KCNQ5: variants seen among roughly 807,000 people sequenced by gnomAD.
KCNQ5 encodes the protein potassium voltage-gated channel subfamily KQT member 5.
KCNQ5 carries 30 observed loss-of-function variants against 98.2 expected under a neutral mutation model. The observed-to-expected ratio is 0.31, with a 90% CI of 0.23 to 0.41. The LOEUF (loss-of-function observed/expected upper bound fraction) is 0.41. KCNQ5 is among the 10% of genes least tolerant of loss of function. KCNQ5 has a pLI of 1.00. For missense variants in KCNQ5, 835 were observed against 1,182.5 expected (o/e 0.71, Z 4.31); for synonymous variants, 458 against 449.4 (o/e 1.02, Z -0.24).
chr6:72,673,198 C>T (rs1177880621), intron 1 of KCNQ5, among the ~76,000 whole-genome samples: 3 of 152,124 alleles, frequency 2.0e-5, no homozygotes, highest in Non-Finnish European at 4.4e-5. Flanking sequence ...AGGGCTCCCA[C>T]CCCTTCAGCT....
chr6:73,051,705 C>CAAAAAAAA (rs201199934), intron 3 of KCNQ5, among the ~76,000 whole-genome samples: 7 of 97,172 alleles, frequency 7.2e-5, no homozygotes, highest in African/African-American at 2.5e-4. Context: ...AAGATAGAGG[C>CAAAAAAAA]AAAAAAAAAA....
At chr6:72,855,126 A>G (rs1777470394) in intron 1 of KCNQ5, among the ~76,000 whole-genome samples, 1 of 152,178 alleles carries the variant, frequency 6.6e-6, no homozygotes, top group South Asian at 2.1e-4. Context: ...CCTCACCAGT[A>G]TTAAACATTC....
In KCNQ5 at chr6:72,802,503, C is replaced by G. The variant is rs565763596; in HGVS notation, c.398+179916C>G. Among the ~76,000 whole-genome samples, 8 of 152,174 alleles carry G rather than the reference C, an allele frequency of 5.3e-5. No homozygotes were observed. In the South Asian group the frequency reaches 1.7e-3, roughly 32 times the overall value. The stretch of plus-strand genomic sequence containing the variant: ...TACTTAATCTGCAGATAAAGTTAAC[C>G]ATTGACTCAGCTTTGTCCCTCATGT... On this transcript the variant is annotated intron_variant, in intron 1 of 13. Coordinates refer to ENST00000370398, the MANE Select transcript of KCNQ5 (RefSeq NM_019842.4).
intron 7 of KCNQ5, among the ~76,000 whole-genome samples, chr6:73,119,810 T>C (rs1316855166): frequency 6.6e-6 from 1 of 152,228 alleles, no homozygotes; most frequent in African/African-American, 2.4e-5. Context: ...ACCTAACTAC[T>C]ATCTTGGATA....
intron 1 of KCNQ5, among the ~76,000 whole-genome samples, chr6:72,765,785 A>G (rs954409153): frequency 1.3e-5 from 2 of 152,108 alleles, no homozygotes. Context: ...ATTTGTATGT[A>G]TATAAAACAT....
chr6:73,057,692 G>C (rs1431685629), intron 3 of KCNQ5, among the ~76,000 whole-genome samples: 1 of 151,970 alleles, frequency 6.6e-6, no homozygotes, highest in African/African-American at 2.4e-5. Flanking sequence ...GCAATTTACA[G>C]ATTCAGTGCT....
chr6:73,111,074 T>C (rs1479859934), intron 6 of KCNQ5, among the ~76,000 whole-genome samples: 1 of 152,212 alleles, frequency 6.6e-6, no homozygotes, highest in African/African-American at 2.4e-5. Flanking sequence ...CAATGCCTAA[T>C]TGACTTACTA....
chr6:73,074,960 T>A (rs1773465879), intron 3 of KCNQ5, among the ~76,000 whole-genome samples: 1 of 152,206 alleles, frequency 6.6e-6, no homozygotes, highest in African/African-American at 2.4e-5. Context: ...GCAAAATGTA[T>A]GTCCAACAGG....
intron 6 of KCNQ5, among the ~76,000 whole-genome samples, chr6:73,105,718 T>G (rs1470984227): frequency 1.3e-5 from 2 of 152,222 alleles, no homozygotes; most frequent in Non-Finnish European, 1.5e-5. Context: ...TGGTTTATAA[T>G]GTGTGCTACT....
chr6:72,671,473 C>T (rs1210535665), intron 1 of KCNQ5, among the ~76,000 whole-genome samples: 2 of 152,090 alleles, frequency 1.3e-5, no homozygotes, highest in Non-Finnish European at 2.9e-5. Flanking sequence ...AACCACATAC[C>T]TTTGTGGTTT....
intron 1 of KCNQ5, among the ~76,000 whole-genome samples, chr6:72,670,793 C>A (rs1201309745): frequency 6.6e-6 from 1 of 152,036 alleles, no homozygotes; most frequent in African/African-American, 2.4e-5. Context: ...GATCAGAGCC[C>A]AACTCTTACA....
intron 1 of KCNQ5, among the ~76,000 whole-genome samples, chr6:72,752,098 G>A (rs1771715389): frequency 1.3e-5 from 2 of 152,104 alleles, no homozygotes; most frequent in African/African-American, 4.8e-5. Context: ...ATCCCCCAGT[G>A]AAAAGTCAAA....
intron 10 of KCNQ5, among the ~76,000 whole-genome samples, chr6:73,138,751 G>A (rs1443344106): frequency 6.6e-6 from 1 of 152,154 alleles, no homozygotes; most frequent in Non-Finnish European, 1.5e-5. Flanking sequence ...AGATGTTTAG[G>A]GTTCACCAGG....
In KCNQ5 at chr6:73,158,284, G is replaced by A. The variant is rs1200508242; in HGVS notation, c.1469-11462G>A. 7.6e-5 allele frequency: 10 copies of A among 131,470 alleles called. No individual in the cohort carries two copies. In the South Asian group the frequency reaches 1.1e-3, roughly 15 times the overall value. 8.1% of individuals were successfully genotyped at this position (131,470 alleles called of 1,614,324 possible). A position where few individuals can be genotyped will look rare whatever the true frequency, so the allele number is the denominator to read the frequency against. ...TTTTTTTTTTTTTTTTTTTTTTTTT[G>A]TGGAGACGGAGTCTCCCTCTGTCGC... is the stretch of plus-strand genomic sequence containing the variant. On this transcript the variant is annotated intron_variant, in intron 10 of 13. Transcript: ENST00000370398.
intron 1 of KCNQ5, among the ~76,000 whole-genome samples, chr6:72,905,784 T>C (rs1477112993): frequency 6.6e-6 from 1 of 152,156 alleles, no homozygotes; most frequent in Non-Finnish European, 1.5e-5. Context: ...TACCAGCACC[T>C]GTTCCAGTAG....
intron 1 of KCNQ5, among the ~76,000 whole-genome samples, chr6:72,729,503 G>T (rs1340895539): frequency 6.6e-6 from 1 of 152,146 alleles, no homozygotes; most frequent in Non-Finnish European, 1.5e-5. Context: ...GGCCAGGCTG[G>T]TCAAACTCCT....
intron 1 of KCNQ5, among the ~76,000 whole-genome samples, chr6:72,833,801 T>G (rs1776390166): frequency 6.6e-6 from 1 of 152,066 alleles, no homozygotes; most frequent in Non-Finnish European, 1.5e-5. Flanking sequence ...TGAAAGTTCA[T>G]CCATAGGAAA....
chr6:73,066,668 C>A (rs1284310362), intron 3 of KCNQ5, among the ~76,000 whole-genome samples: 3 of 152,170 alleles, frequency 2.0e-5, no homozygotes, highest in South Asian at 2.1e-4. Flanking sequence ...TTGAGACTTG[C>A]CAGTTCAATC....
chr6:72,993,985 C>T (rs1316620191), intron 1 of KCNQ5, among the ~76,000 whole-genome samples: 1 of 85,432 alleles, frequency 1.2e-5, no homozygotes, highest in African/African-American at 6.0e-5. Flanking sequence ...GGTCAGGGGT[C>T]AGGGACCCAC....
Sources: gnomAD v4.1 joint callset for allele counts (sites outside exome capture counted in the v4.1 genomes callset) on GRCh38, gnomAD v4.1.1 for gene constraint, MANE v1.5 for transcripts, NCBI Gene and HGNC (gene_info 2026-07-23, HGNC 2026-07-21) for gene names.